The following NELL1 variants were observed in gnomAD, a reference collection of about 807,000 sequenced individuals.
NELL1 encodes neural EGFL like 1, also known as protein kinase C-binding protein NELL1.
Under a neutral mutation model 107.4 loss-of-function variants are expected in NELL1, and 76 were observed. The observed-to-expected ratio is 0.71, with a 90% confidence interval of 0.59 to 0.86. The LOEUF (loss-of-function observed/expected upper bound fraction) is 0.86. Ranked by LOEUF, NELL1 falls within the 40% of genes least tolerant of loss-of-function variation. The pLI is 0.00. For missense variants in NELL1, 1,024 were observed against 1,005.5 expected (o/e 1.02, Z -0.25); for synonymous variants, 353 against 341.2 (o/e 1.03, Z -0.38).
At chr11:21,246,436 G>A (rs1858493802) in intron 14 of NELL1, among the ~76,000 whole-genome samples, 2 of 152,118 alleles carry the variant, frequency 1.3e-5, no homozygotes, top group Admixed American at 1.3e-4. Context: ...TTTCGAGCAT[G>A]GACATGGATC....
Position 20,903,766 on chromosome 11 carries a change from G to T in NELL1, c.604-14416G>T, listed in dbSNP as rs533563915. Among the ~76,000 whole-genome samples, 16 of 152,212 alleles carry T rather than the reference G, an allele frequency of 1.1e-4. No individual in the cohort carries two copies. In the South Asian group the frequency reaches 3.1e-3, roughly 30 times the overall value. On this transcript the variant is annotated intron_variant, in intron 5 of 19. Transcript: ENST00000357134. Reference sequence around the variant, plus strand: ...TTAGAGTAGAAAACCTGAAGCTGCTGTTTCTCGACAGAAACACTGAAAAAC... The same window carrying T: ...TTAGAGTAGAAAACCTGAAGCTGCTTTTTCTCGACAGAAACACTGAAAAAC...
At chr11:21,498,505 T>G (rs955654829) in intron 15 of NELL1, among the ~76,000 whole-genome samples, 41 of 151,752 alleles carry the variant, frequency 2.7e-4, no homozygotes, top group African/African-American at 7.2e-4. Flanking sequence ...TTTTTTTAAG[T>G]ACTATATAGT....
chr11:21,277,922 T>C (rs1848905520), intron 14 of NELL1, among the ~76,000 whole-genome samples: 1 of 152,002 alleles, frequency 6.6e-6, no homozygotes, highest in Non-Finnish European at 1.5e-5. Context: ...GGGGGAGGGA[T>C]AGCATTAGGA....
intron 13 of NELL1, among the ~76,000 whole-genome samples, chr11:21,180,247 A>G (rs1384362806): frequency 2.6e-5 from 4 of 151,874 alleles, no homozygotes; most frequent in Middle Eastern, 3.2e-3. Flanking sequence ...GAAGAAGAAC[A>G]AACTCTGCGG....
chr11:21,485,755 C>G (rs140069502), intron 15 of NELL1, among the ~76,000 whole-genome samples: 83 of 152,098 alleles, frequency 5.5e-4, no homozygotes, highest in Non-Finnish European at 1.0e-3. Context: ...CTATTACAGA[C>G]AGTGCCAGAA....
intron 17 of NELL1, among the ~76,000 whole-genome samples, chr11:21,568,490 A>G (rs559828075): frequency 1.3e-5 from 2 of 151,906 alleles, no homozygotes; most frequent in Admixed American, 6.6e-5. Flanking sequence ...AGCTTATTGT[A>G]ACTTTTTACT....
intron 12 of NELL1, among the ~76,000 whole-genome samples, chr11:21,111,463 C>T (rs193237543): frequency 1.3e-5 from 2 of 151,986 alleles, no homozygotes; most frequent in African/African-American, 4.8e-5. Flanking sequence ...CTTTTGTAGT[C>T]ATTCTCTGCA....
chr11:21,124,549 A>G (rs769223591), intron 13 of NELL1, among the ~76,000 whole-genome samples: 1 of 152,224 alleles, frequency 6.6e-6, no homozygotes, highest in Non-Finnish European at 1.5e-5. Flanking sequence ...AAGAATTTCA[A>G]GATCAAGGTG....
intron 12 of NELL1, among the ~76,000 whole-genome samples, chr11:21,043,182 C>A (rs577531348): frequency 2.6e-5 from 4 of 152,130 alleles, no homozygotes; most frequent in Non-Finnish European, 2.9e-5. Flanking sequence ...TACTGCTATT[C>A]ATTCACCAAC....
chr11:21,035,062 C>T (rs1378576395), intron 12 of NELL1, among the ~76,000 whole-genome samples: 2 of 152,050 alleles, frequency 1.3e-5, no homozygotes, highest in East Asian at 1.9e-4. Context: ...GATAATACCA[C>T]TGACCCCACA....
intron 14 of NELL1, among the ~76,000 whole-genome samples, chr11:21,319,494 T>TTATATATATA (rs143740709): frequency 0.041 from 5,485 of 135,400 alleles, 174 homozygotes; most frequent in East Asian, 0.09. Flanking sequence ...CCAGCTAAAT[T>TTATATATATA]TATATATATA....
At chr11:21,552,141 G>T (rs866899137) in intron 16 of NELL1, among the ~76,000 whole-genome samples, 78 of 111,316 alleles carry the variant, frequency 7.0e-4, no homozygotes, top group African/African-American at 2.6e-3. Context: ...CTGTTGTGGG[G>T]TGGGGGGAGG....
chr11:21,104,963 G>A (rs1304450175), intron 12 of NELL1, among the ~76,000 whole-genome samples: 1 of 152,126 alleles, frequency 6.6e-6, no homozygotes, highest in Non-Finnish European at 1.5e-5. Flanking sequence ...CCATTGTGAA[G>A]GCCTCACCCT....
At chr11:20,976,048 A>G (rs1213439230) in intron 12 of NELL1, among the ~76,000 whole-genome samples, 1 of 145,384 alleles carries the variant, frequency 6.9e-6, no homozygotes, top group Non-Finnish European at 1.5e-5. Context: ...CATTACATTT[A>G]TATATACATA....
chr11:21,550,658 A>T (rs1472963068), intron 16 of NELL1, among the ~76,000 whole-genome samples: 4 of 151,762 alleles, frequency 2.6e-5, no homozygotes, highest in Non-Finnish European at 5.9e-5. Flanking sequence ...TGTAGATATG[A>T]GGCATTATTT....
intron 12 of NELL1, among the ~76,000 whole-genome samples, chr11:21,089,765 C>A (rs1436120134): frequency 1.3e-5 from 2 of 152,188 alleles, no homozygotes; most frequent in Non-Finnish European, 2.9e-5. Context: ...CTTTCTCATT[C>A]ATCTTTAGGA....
At chr11:21,166,981 G>C (rs79624401) in intron 13 of NELL1, among the ~76,000 whole-genome samples, 1 of 151,784 alleles carries the variant, frequency 6.6e-6, no homozygotes, top group Admixed American at 6.6e-5. Flanking sequence ...ACCCTACACT[G>C]TATATTTATT....
chr11:20,858,368 C>G (rs1468928345), intron 4 of NELL1, among the ~76,000 whole-genome samples: 1 of 152,128 alleles, frequency 6.6e-6, no homozygotes, highest in Admixed American at 6.5e-5. Context: ...AGTTTGATAC[C>G]AAGTGTTGGC....
chr11:21,569,043 A>T (rs1271172246), intron 17 of NELL1, among the ~76,000 whole-genome samples: 1 of 151,838 alleles, frequency 6.6e-6, no homozygotes, highest in Non-Finnish European at 1.5e-5. Flanking sequence ...AGGCTTGTTT[A>T]TACAGGCATC....
Sources: gnomAD v4.1 joint callset for allele counts (sites outside exome capture counted in the v4.1 genomes callset) on GRCh38, gnomAD v4.1.1 for gene constraint, MANE v1.5 for transcripts, NCBI Gene and HGNC (gene_info 2026-07-23, HGNC 2026-07-21) for gene names.